DOT1L: variants seen among roughly 807,000 people sequenced by gnomAD.
The protein encoded by DOT1L is histone-lysine N-methyltransferase, H3 lysine-79 specific.
In DOT1L, 33 loss-of-function variants were observed where a neutral mutation model predicts 153.3. That is an observed-to-expected ratio of 0.22 (90% CI 0.16 to 0.29). DOT1L has a LOEUF of 0.29. DOT1L is among the 10% of genes least tolerant of loss of function. DOT1L has a pLI of 1.00. For missense variants in DOT1L, 1,847 were observed against 2,119.9 expected, an observed-to-expected ratio of 0.87 and a Z score of 2.53; for synonymous variants, 1,135 against 965.1, an observed-to-expected ratio of 1.18 and a Z score of -3.26.
intron 9 of DOT1L, among the ~76,000 whole-genome samples, chr19:2,203,710 C>T (rs1044291231): frequency 2.0e-5 from 3 of 152,218 alleles, no homozygotes; most frequent in Non-Finnish European, 4.4e-5. Context: ...CTGCCCATTC[C>T]CTAAACATGG....
chr19:2,219,384 G>C (rs2024028637), intron 22 of DOT1L, among the ~76,000 whole-genome samples: 1 of 152,186 alleles, frequency 6.6e-6, no homozygotes, highest in African/African-American at 2.4e-5. Context: ...GCCCGCCTCA[G>C]CAGTCACTCC....
At chr19:2,164,377 G>A in intron 1 of DOT1L, 112 bp downstream of exon 1, 1 of 655,340 alleles carries the variant, frequency 1.5e-6, no homozygotes, top group Non-Finnish European at 2.1e-6. Flanking sequence ...GCGGAACGGA[G>A]ACCCTGGACT....
intron 1 of DOT1L, among the ~76,000 whole-genome samples, chr19:2,180,382 CAT>C (rs3840945): frequency 0.039 from 5,876 of 152,220 alleles, 194 homozygotes; most frequent in East Asian, 0.13. Flanking sequence ...AATGGGGAGA[CAT>C]GTGGAGCGGA....
chr19:2,203,553 G>A (rs1027178466), intron 9 of DOT1L, among the ~76,000 whole-genome samples: 6 of 152,178 alleles, frequency 3.9e-5, no homozygotes, highest in African/African-American at 4.8e-5. Flanking sequence ...TTCTCCCTCC[G>A]GAGAAAGGTC....
Position 2,190,693 on chromosome 19 carries a change from G to T in DOT1L, c.265-319G>T, listed in dbSNP as rs1418238581. Among the ~76,000 whole-genome samples the T allele has an allele frequency of 1.3e-5, 2 of 152,106 alleles. No homozygotes were observed. The highest frequency in any genetic ancestry group is 3.9e-4 in the East Asian group (2 of 5,166). ...GTCAGCGCCCCACCCTGCTGCCTTGGCCCAGAGGAGGGGTGGTGGTCTTGG... is the reference window on the plus strand; with the variant it reads ...GTCAGCGCCCCACCCTGCTGCCTTGTCCCAGAGGAGGGGTGGTGGTCTTGG... On this transcript the variant is annotated intron_variant, in intron 4 of 27. Transcript: ENST00000398665. This position sits in a 1 kb window ranked among gnomAD's most constrained non-coding sequence, Gnocchi z 4.8.
chr19:2,228,721 C>G, intron 27 of DOT1L: 1 of 985,418 alleles, frequency 1.0e-6, no homozygotes, highest in African/African-American at 1.7e-5. Context: ...GCTCCTAGAG[C>G]AGTCTCCAGG....
At chr19:2,192,045 G>A (rs1199842125) in intron 5 of DOT1L, among the ~76,000 whole-genome samples, 1 of 152,224 alleles carries the variant, frequency 6.6e-6, no homozygotes, top group African/African-American at 2.4e-5. Flanking sequence ...GACAGTGAAG[G>A]CCCCTTCTCC....
At position 2,216,743 on chromosome 19, in the gene DOT1L, G is replaced by A. The variant is rs1218647001; in HGVS notation, c.2386G>A (p.Ala796Thr). 1.9e-6 allele frequency: 3 copies of A among 1,593,940 alleles called. No individual in the cohort carries two copies. Among genetic ancestry groups the A allele is most frequent in the Non-Finnish European group, 2.6e-6 (3 of 1,175,088 alleles). ...GGACCACACGGTGCCCGGCAGGCCG[G>A]CTGCCAGTGAGCTGCATTCGAGGTG... ...SQDHTVPGRP[A>T]ASELHSRAEH... Residue 796 changes from alanine (A) to threonine (T), a missense_variant, in exon 20 of 28, where the codon GCT becomes ACT. Transcript: ENST00000398665.
chr19:2,171,580 T>C (rs372059447), intron 1 of DOT1L, among the ~76,000 whole-genome samples: 1 of 152,136 alleles, frequency 6.6e-6, no homozygotes, highest in Non-Finnish European at 1.5e-5. Context: ...CGCCAAGAGC[T>C]GTGCCTTTCA....
chr19:2,170,945 C>A (rs2021588657), intron 1 of DOT1L, among the ~76,000 whole-genome samples: 1 of 152,098 alleles, frequency 6.6e-6, no homozygotes. Context: ...TCTCCCAGAA[C>A]CTGTCCTTTA....
intron 1 of DOT1L, among the ~76,000 whole-genome samples, chr19:2,172,963 C>CGA (rs2021724039): frequency 2.0e-5 from 3 of 148,932 alleles, no homozygotes; most frequent in Admixed American, 1.3e-4. Context: ...GGCAACTGCG[C>CGA]GAGACTCCAT....
At chr19:2,206,826 A>G in intron 10 of DOT1L, 29 bp downstream of exon 10, 1 of 1,601,970 alleles carries the variant, frequency 6.2e-7, no homozygotes, top group Middle Eastern at 1.7e-4. Context: ...GTTAATGATG[A>G]ACACGGGTAA....
intron 25 of DOT1L, 116 bp downstream of exon 25, chr19:2,223,602 C>G (rs996591475): frequency 8.7e-7 from 1 of 1,153,574 alleles, no homozygotes; most frequent in African/African-American, 1.6e-5. Flanking sequence ...TAGGGGGTGC[C>G]CTGGATGGGA....
rs2023129360 is a variant in DOT1L at position 2,198,817 on chromosome 19, C to CT, written c.652-1066dup. 2.0e-5 allele frequency among the ~76,000 whole-genome samples: 3 copies of CT among 152,338 alleles called. No homozygotes were observed. The South Asian group carries it at 6.2e-4, about 32-fold the overall frequency. On this transcript the variant is annotated intron_variant, in intron 7 of 27. Coordinates refer to ENST00000398665, the MANE Select transcript of DOT1L (RefSeq NM_032482.3). ...ACAGGATCACACACTGCGTGGCCCT[C>CT]TGTGTCCGGCGTCTCTCACTGAGCG...
At chr19:2,213,798 C>T in intron 17 of DOT1L, 51 bp from the exon 18 acceptor site, 9 of 1,609,730 alleles carry the variant, frequency 5.6e-6, no homozygotes, top group South Asian at 1.1e-5. Flanking sequence ...TGGGGGCTTA[C>T]TTCACCTTGG....
At chr19:2,171,496 G>A (rs949598794) in intron 1 of DOT1L, among the ~76,000 whole-genome samples, 6 of 152,292 alleles carry the variant, frequency 3.9e-5, no homozygotes, top group Admixed American at 2.6e-4. Context: ...CCACCGGGGT[G>A]GGGGAAGCCC....
chr19:2,185,748 A>G lies in DOT1L; in HGVS notation c.126-107A>G, dbSNP rs2022470526. Reference sequence around the variant, plus strand: ...CACGACACTGCACTCCAGCCTGGGCAACAGAGTGAGACTCCGTCTCAAAAC... The same window carrying G: ...CACGACACTGCACTCCAGCCTGGGCGACAGAGTGAGACTCCGTCTCAAAAC... On this transcript the variant is annotated intron_variant, in intron 2 of 27. Coordinates refer to ENST00000398665, the MANE Select transcript of DOT1L (RefSeq NM_032482.3). 20 of 1,227,716 alleles carry G rather than the reference A, an allele frequency of 1.6e-5. No individual in the cohort carries two copies. The South Asian group carries it at 2.3e-4, about 14-fold the overall frequency. The allele number at this position is 1,227,716 out of a possible 1,614,324, so 76.1% of individuals were successfully genotyped here. A position where few individuals can be genotyped will look rare whatever the true frequency, so the allele number is the denominator to read the frequency against.
chr19:2,216,187 C>G, intron 19 of DOT1L, 94 bp from the exon 20 acceptor site: 2 of 1,479,438 alleles, frequency 1.4e-6, no homozygotes, highest in Non-Finnish European at 1.8e-6. Context: ...AGCGGGGGTC[C>G]TGGCCACCCC....
chr19:2,166,450 T>A (rs1378000030), intron 1 of DOT1L, among the ~76,000 whole-genome samples: 1 of 151,414 alleles, frequency 6.6e-6, no homozygotes, highest in Admixed American at 6.6e-5. Flanking sequence ...TTGCTTTTGT[T>A]GCCCAGACTG....
Sources: gnomAD v4.1 joint callset for allele counts (sites outside exome capture counted in the v4.1 genomes callset) on GRCh38, gnomAD v4.1.1 for gene constraint, Gnocchi (gnomAD v3.1) non-coding constraint, MANE v1.5 for transcripts, NCBI Gene and HGNC (gene_info 2026-07-23, HGNC 2026-07-21) for gene names.